DOCK9: variants seen among roughly 807,000 people sequenced by gnomAD.
The protein encoded by DOCK9 is dedicator of cytokinesis 9, also known as dedicator of cytokinesis protein 9.
DOCK9 carries 89 observed loss-of-function variants against 263.3 expected under a neutral mutation model. The ratio of observed to expected loss-of-function variants is 0.34; its 90% confidence interval spans 0.28 to 0.40. The LOEUF (loss-of-function observed/expected upper bound fraction) is 0.40, where lower values mean the gene tolerates loss of function less well. DOCK9 is among the 10% of genes least tolerant of loss of function. The probability of loss-of-function intolerance (pLI) is 1.00; values close to 1 mark genes in which losing one functional copy is unlikely to be tolerated. For missense variants in DOCK9, 2,140 were observed against 2,603.4 expected (o/e 0.82, Z 3.87); for synonymous variants, 976 against 973.1 (o/e 1.00, Z -0.06).
intron 1 of DOCK9, among the ~76,000 whole-genome samples, chr13:99,042,541 A>G (rs1040566925): frequency 6.6e-6 from 1 of 152,212 alleles, no homozygotes; most frequent in African/African-American, 2.4e-5. Flanking sequence ...GCAATGACTG[A>G]CTTTAGTTTA....
intron 34 of DOCK9, among the ~76,000 whole-genome samples, chr13:98,855,213 C>T (rs1307106961): frequency 6.6e-6 from 1 of 152,228 alleles, no homozygotes; most frequent in South Asian, 2.1e-4. Flanking sequence ...TTCTCTGGAG[C>T]TGGCTTCAGA....
chr13:98,809,818 C>T (rs142341218), intron 46 of DOCK9, among the ~76,000 whole-genome samples: 12 of 152,252 alleles, frequency 7.9e-5, no homozygotes, highest in East Asian at 3.9e-4. Flanking sequence ...CCAGGATGGA[C>T]GGAAGGGACA....
Position 98,826,379 on chromosome 13 carries a change from C to T in DOCK9, c.5023+451G>A, listed in dbSNP as rs148566064. 2.6e-5 allele frequency among the ~76,000 whole-genome samples: 4 copies of T among 152,326 alleles called. No individual in the cohort carries two copies. In the East Asian group the frequency reaches 5.8e-4, roughly 22 times the overall value. ...TGAAGCGTCACTCCTCGCCCCCTCT[C>T]CTTCCTCTGGGAGATAAGGTTTCCA... is the stretch of plus-strand genomic sequence containing the variant. On this transcript the variant is annotated intron_variant, in intron 44 of 52. Coordinates refer to ENST00000682017, the MANE Select transcript of DOCK9 (RefSeq NM_001366683.2).
At chr13:98,799,256 A>C (rs2089820587) in intron 50 of DOCK9, among the ~76,000 whole-genome samples, 1 of 152,250 alleles carries the variant, frequency 6.6e-6, no homozygotes, top group Non-Finnish European at 1.5e-5. Flanking sequence ...AACCAAAAAA[A>C]CCAAAACCTA....
intron 45 of DOCK9, 71 bp downstream of exon 45, chr13:98,824,327 C>A: frequency 7.4e-7 from 1 of 1,346,646 alleles, no homozygotes; most frequent in Non-Finnish European, 1.1e-6. Context: ...TGGTCTGATG[C>A]ACTAGCAATG....
intron 1 of DOCK9, among the ~76,000 whole-genome samples, chr13:98,992,793 G>A (rs1254096228): frequency 1.3e-5 from 2 of 152,146 alleles, no homozygotes; most frequent in African/African-American, 4.8e-5. Context: ...AGCAGCATGA[G>A]AATGGACTAA....
intron 1 of DOCK9, among the ~76,000 whole-genome samples, chr13:98,996,044 G>A (rs982563536): frequency 1.3e-5 from 2 of 152,122 alleles, no homozygotes; most frequent in African/African-American, 4.8e-5. Flanking sequence ...TGAGGATTGT[G>A]TATTTCAACC....
chr13:98,808,645 C>T (rs1276171708), intron 47 of DOCK9: 4 of 1,586,442 alleles, frequency 2.5e-6, no homozygotes, highest in South Asian at 1.1e-5. Flanking sequence ...ATTACCTCCA[C>T]ATCTGTTTCA....
intron 1 of DOCK9, among the ~76,000 whole-genome samples, chr13:99,063,902 C>T (rs1047579262): frequency 6.6e-5 from 10 of 152,082 alleles, no homozygotes; most frequent in East Asian, 1.9e-4. Context: ...CCAACCTGTC[C>T]GCAGGTTTCA....
At chr13:98,854,141 T>A (rs781750186) in intron 34 of DOCK9, among the ~76,000 whole-genome samples, 1 of 152,006 alleles carries the variant, frequency 6.6e-6, no homozygotes, top group Non-Finnish European at 1.5e-5. Flanking sequence ...CACTCCCTCA[T>A]CAGCTTAGCT....
chr13:99,043,968 G>A (rs929197900), intron 1 of DOCK9, among the ~76,000 whole-genome samples: 1 of 152,074 alleles, frequency 6.6e-6, no homozygotes, highest in African/African-American at 2.4e-5. Context: ...TCTAATAAAA[G>A]TTTGCTGAAT....
chr13:98,917,414 C>G (rs1254348347), intron 7 of DOCK9, among the ~76,000 whole-genome samples: 1 of 152,208 alleles, frequency 6.6e-6, no homozygotes, highest in East Asian at 1.9e-4. Context: ...AGTCAATTCA[C>G]TGTCACTGAT....
At chr13:98,997,838 T>C (rs1881403873) in intron 1 of DOCK9, among the ~76,000 whole-genome samples, 1 of 152,256 alleles carries the variant, frequency 6.6e-6, no homozygotes, top group Non-Finnish European at 1.5e-5. Context: ...AGAAGCATGC[T>C]GCTTTCCAGC....
At chr13:99,060,771 A>C (rs1265004662) in intron 1 of DOCK9, among the ~76,000 whole-genome samples, 1 of 152,108 alleles carries the variant, frequency 6.6e-6, no homozygotes, top group Non-Finnish European at 1.5e-5. Flanking sequence ...CCCTGATCCC[A>C]CTATACTGGA....
At chr13:98,849,969 A>T in intron 36 of DOCK9, 78 bp downstream of exon 36, 1 of 1,048,232 alleles carries the variant, frequency 9.5e-7, no homozygotes, top group South Asian at 1.4e-5. Flanking sequence ...CCTCTGGTTC[A>T]ACTACATAGT....
chr13:99,048,830 A>C (rs2040554806), intron 1 of DOCK9, among the ~76,000 whole-genome samples: 1 of 152,212 alleles, frequency 6.6e-6, no homozygotes, highest in African/African-American at 2.4e-5. Flanking sequence ...CCACTTTGTT[A>C]GGTAAAGACT....
intron 1 of DOCK9, among the ~76,000 whole-genome samples, chr13:99,085,208 G>A (rs556715648): frequency 6.6e-6 from 1 of 152,092 alleles, no homozygotes; most frequent in South Asian, 2.1e-4. Context: ...ACTCTGCCCC[G>A]ACAATCCCCC....
At chr13:99,026,795 C>A (rs934482384) in intron 1 of DOCK9, among the ~76,000 whole-genome samples, 3 of 152,142 alleles carry the variant, frequency 2.0e-5, no homozygotes, top group Admixed American at 6.5e-5. Flanking sequence ...ATTTAAAAAT[C>A]GGCTCTATTG....
chr13:98,925,720 T>A (rs1313692846), intron 4 of DOCK9, 117 bp downstream of exon 4: 1 of 654,570 alleles, frequency 1.5e-6, no homozygotes, highest in African/African-American at 1.8e-5. Context: ...CACATACACA[T>A]AAACCATCTA....
Sources: allele counts gnomAD v4.1 joint callset (sites outside exome capture counted in the v4.1 genomes callset), GRCh38; gene constraint gnomAD v4.1.1; transcripts MANE v1.5; gene names NCBI Gene and HGNC (gene_info 2026-07-23, HGNC 2026-07-21).